RAPGEF5: variants seen among roughly 807,000 people sequenced by gnomAD.
RAPGEF5 encodes the protein M-Ras-regulated GEF.
A neutral mutation model predicts 125.2 loss-of-function variants in RAPGEF5; 65 were observed. That is an observed-to-expected ratio of 0.52 (90% confidence interval 0.43 to 0.64). The LOEUF (loss-of-function observed/expected upper bound fraction) is 0.64, where lower values mean the gene tolerates loss of function less well. RAPGEF5 is among the 30% of genes least tolerant of loss of function. RAPGEF5 has a pLI of 0.00. For synonymous variants in RAPGEF5, 391 were observed against 385.9 expected (o/e 1.01, Z -0.16); for missense variants, 958 against 1,048.1 (o/e 0.91, Z 1.19).
chr7:22,200,683 T>C (rs1436907559), intron 9 of RAPGEF5, among the ~76,000 whole-genome samples: 2 of 152,148 alleles, frequency 1.3e-5, no homozygotes, highest in Non-Finnish European at 2.9e-5. Context: ...CCAATATGCA[T>C]GACTAAACAG....
In RAPGEF5 at chr7:22,193,921, T is replaced by G; in HGVS notation, c.1109A>C (p.His370Pro). 6.2e-7 allele frequency: 1 copy of G among 1,613,714 alleles called. No homozygotes were observed. Among genetic ancestry groups the G allele is most frequent in the Non-Finnish European group, 8.5e-7 (1 of 1,179,786 alleles). ...PAPTAGSAESHWRYVVVSGTP... is the reference protein window; with the variant it reads ...PAPTAGSAESPWRYVVVSGTP... The stretch of plus-strand genomic sequence containing the variant: ...GCTGCAGGGAAACTCTCACCTCCAA[T>G]GGCTCTCCGCACTCCCAGCTGTGGG... Residue 370 changes from histidine (H) to proline (P), a missense_variant, in exon 10 of 26, where the codon CAT (histidine) becomes CCT (proline). Transcript: ENST00000665637.
intron 21 of RAPGEF5, among the ~76,000 whole-genome samples, chr7:22,137,225 G>A (rs1237450950): frequency 6.6e-6 from 1 of 152,228 alleles, no homozygotes; most frequent in Non-Finnish European, 1.5e-5. Context: ...CAGGAATCTA[G>A]TTGGTTAGAC....
chr7:22,271,289 C>T (rs963002898), intron 6 of RAPGEF5, among the ~76,000 whole-genome samples: 21 of 152,124 alleles, frequency 1.4e-4, no homozygotes, highest in African/African-American at 4.8e-4. Context: ...TCTATTGCAT[C>T]CAGGGTGAGA....
At chr7:22,211,355 C>T (rs1785503577) in intron 9 of RAPGEF5, among the ~76,000 whole-genome samples, 1 of 152,222 alleles carries the variant, frequency 6.6e-6, no homozygotes, top group African/African-American at 2.4e-5. Context: ...GCGAACATAT[C>T]TGCCTGCATG....
chr7:22,215,257 T>C (rs1785608930), intron 9 of RAPGEF5, among the ~76,000 whole-genome samples: 1 of 152,132 alleles, frequency 6.6e-6, no homozygotes, highest in Admixed American at 6.5e-5. Flanking sequence ...CCAAAAAACA[T>C]CTAATATTTT....
intron 11 of RAPGEF5, among the ~76,000 whole-genome samples, chr7:22,177,317 G>A (rs935295231): frequency 6.6e-6 from 1 of 152,224 alleles, no homozygotes; most frequent in African/African-American, 2.4e-5. Flanking sequence ...CATTGGCCTT[G>A]AGTCACCTAA....
At chr7:22,242,695 T>G (rs1786364671) in intron 7 of RAPGEF5, among the ~76,000 whole-genome samples, 1 of 152,106 alleles carries the variant, frequency 6.6e-6, no homozygotes, top group Admixed American at 6.5e-5. Flanking sequence ...CTCACGCCTG[T>G]AATCCTAGCA....
At chr7:22,133,141 C>T (rs1206156819) in intron 23 of RAPGEF5, among the ~76,000 whole-genome samples, 1 of 152,224 alleles carries the variant, frequency 6.6e-6, no homozygotes, top group South Asian at 2.1e-4. Context: ...GGTAGTCCCT[C>T]TCACTCTTAG....
At position 22,131,220 on chromosome 7, in the gene RAPGEF5, T is replaced by C. The variant is rs1022545995; in HGVS notation, c.2417-119A>G. ...TTCCTAAACATTATGGATCATTCCA[T>C]GCACTTGGAGAGGCAATTTGAAATT... On this transcript the variant is annotated intron_variant, in intron 23 of 25. Coordinates refer to ENST00000665637, the MANE Select transcript of RAPGEF5 (RefSeq NM_012294.5). The C allele has an allele frequency of 3.0e-5, 39 of 1,293,558 alleles. No individual in the cohort carries two copies. The East Asian group carries it at 1.1e-3, about 36-fold the overall frequency. 80.1% of individuals were successfully genotyped at this position (1,293,558 alleles called of 1,614,324 possible). A position where few individuals can be genotyped will look rare whatever the true frequency, so the allele number is the denominator to read the frequency against.
In RAPGEF5 at chr7:22,302,525, C is replaced by T. The variant is rs115921571; in HGVS notation, c.680+5814G>A. ...CTCAGGGGCACAAAGGAGCTGGCTG[C>T]CTATCCACTCGCAAGACCAGTGAGG... On this transcript the variant is annotated intron_variant, in intron 5 of 25. Coordinates refer to ENST00000665637, the MANE Select transcript of RAPGEF5 (RefSeq NM_012294.5). 2.1e-3 allele frequency among the ~76,000 whole-genome samples: 314 copies of T among 152,216 alleles called. 2 individuals carry two copies. Among genetic ancestry groups the T allele is most frequent in the African/African-American group, 7.4e-3 (308 of 41,548 alleles).
At chr7:22,137,731 C>A (rs935324344) in intron 21 of RAPGEF5, among the ~76,000 whole-genome samples, 1 of 152,122 alleles carries the variant, frequency 6.6e-6, no homozygotes, top group Non-Finnish European at 1.5e-5. Flanking sequence ...AGCAAGCTCT[C>A]GGATCTGTTT....
In RAPGEF5 at chr7:22,193,935, C is replaced by T. The variant is rs375098020; in HGVS notation, c.1095G>A (p.Gly365=). 2.5e-6 allele frequency: 4 copies of T among 1,613,712 alleles called. No homozygotes were observed. The African/African-American group carries it at 5.3e-5, about 22-fold the overall frequency. Residue 365 remains glycine (G), a synonymous_variant, in exon 10 of 26, where the codon GGG becomes GGA. Coordinates refer to ENST00000665637, the MANE Select transcript of RAPGEF5 (RefSeq NM_012294.5). ...VQCCGPAPTA[G]SAESHWRYVV... ...CTCACCTCCAATGGCTCTCCGCACT[C>T]CCAGCTGTGGGGGCTGGGCCACAGC...
intron 1 of RAPGEF5, among the ~76,000 whole-genome samples, chr7:22,333,616 G>A (rs1316491420): frequency 1.3e-5 from 2 of 152,154 alleles, no homozygotes; most frequent in East Asian, 1.9e-4. Flanking sequence ...CCTTCATAGG[G>A]GTAGGATGGT....
intron 1 of RAPGEF5, among the ~76,000 whole-genome samples, chr7:22,324,960 C>T (rs918701594): frequency 6.6e-6 from 1 of 152,208 alleles, no homozygotes; most frequent in African/African-American, 2.4e-5. Context: ...CACTTCTCTA[C>T]AGACACTCTG....
At chr7:22,145,759 G>A (rs1239095140) in intron 19 of RAPGEF5, among the ~76,000 whole-genome samples, 1 of 152,164 alleles carries the variant, frequency 6.6e-6, no homozygotes, top group African/African-American at 2.4e-5. Context: ...TTTCTAACAA[G>A]TGCCCAAGTC....
At chr7:22,167,174 A>G (rs1263394391) in intron 11 of RAPGEF5, 26 bp from the exon 12 acceptor site, 4 of 1,560,966 alleles carry the variant, frequency 2.6e-6, no homozygotes, top group Admixed American at 1.7e-5. Flanking sequence ...AAACAAACAC[A>G]AGGTAAGCAA....
In RAPGEF5 at chr7:22,251,488, G is replaced by C. The variant is rs932679556; in HGVS notation, c.796+15476C>G. On this transcript the variant is annotated intron_variant, in intron 7 of 25. Transcript: ENST00000665637. ...CAGCTTCCACTAACCAGGGAACCAA[G>C]GACAAAGGAGCTGGCAGGCTTCAGG... Among the ~76,000 whole-genome samples, 3 of 152,140 alleles carry C rather than the reference G, an allele frequency of 2.0e-5. No individual in the cohort carries two copies. In the South Asian group the frequency reaches 6.2e-4, roughly 31 times the overall value.
chr7:22,299,124 T>C (rs935489010), intron 5 of RAPGEF5, among the ~76,000 whole-genome samples: 1 of 152,006 alleles, frequency 6.6e-6, no homozygotes, highest in African/African-American at 2.4e-5. Context: ...TTCTTTGTAG[T>C]TTGTTTTTCT....
chr7:22,325,821 T>C (rs896117748), intron 1 of RAPGEF5, among the ~76,000 whole-genome samples: 18 of 152,302 alleles, frequency 1.2e-4, no homozygotes, highest in Admixed American at 5.2e-4. Context: ...ACCACAGGCT[T>C]CCAAAGTACT....
Sources: gnomAD v4.1 joint callset for allele counts (sites outside exome capture counted in the v4.1 genomes callset) on GRCh38, gnomAD v4.1.1 for gene constraint, MANE v1.5 for transcripts, NCBI Gene and HGNC (gene_info 2026-07-23, HGNC 2026-07-21) for gene names.